The following B3GALNT2 variants were observed in gnomAD, a reference collection of about 807,000 sequenced individuals.
B3GALNT2 encodes the protein beta-1,3-N-acetylgalactosaminyltransferase 2.
B3GALNT2 carries 53 observed loss-of-function variants against 61.1 expected under a neutral mutation model. The ratio of observed to expected loss-of-function variants is 0.87; its 90% CI spans 0.70 to 1.09. The LOEUF (loss-of-function observed/expected upper bound fraction) is 1.09, where lower values mean the gene tolerates loss of function less well. Ranked by LOEUF, B3GALNT2 falls within the 50% of genes least tolerant of loss-of-function variation. The pLI, the probability that B3GALNT2 is intolerant of heterozygous loss-of-function variation, is 0.00. For synonymous variants in B3GALNT2, 223 were observed against 237.4 expected (o/e 0.94, Z 0.56); for missense variants, 544 against 623.0 (o/e 0.87, Z 1.35).
chr1:235,451,505 A>C (rs1215335736), intron 11 of B3GALNT2: 2 of 152,128 alleles, frequency 1.3e-5, no homozygotes, highest in African/African-American at 2.4e-5. Flanking sequence ...CCGCATCAGA[A>C]AACAAGCGCC....
At position 235,449,173 on chromosome 1, in the gene B3GALNT2, G is replaced by C. The variant is rs979317508; in HGVS notation, c.*1033C>G. 3.7e-5 allele frequency: 9 copies of C among 246,384 alleles called. No individual in the cohort carries two copies. The highest frequency in any genetic ancestry group is 7.2e-5 in the Non-Finnish European group (9 of 125,292). 15.3% of individuals were successfully genotyped at this position (246,384 alleles called of 1,614,324 possible). On this transcript the variant is annotated 3_prime_UTR_variant, in exon 12 of 12. Transcript: ENST00000366600. ...TAGAAATGATTTGGTTGGTCATTTT[G>C]GGAAATGTCCCTTAAACTTGGGGAG...
chr1:235,495,101 G>A (rs1037407213), intron 1 of B3GALNT2, among the ~76,000 whole-genome samples: 1 of 152,122 alleles, frequency 6.6e-6, no homozygotes, highest in East Asian at 1.9e-4. Flanking sequence ...GATGTGGTAA[G>A]AATCTGTTTC....
chr1:235,450,639 T>C (rs190592936), intron 11 of B3GALNT2: 98 of 346,762 alleles, frequency 2.8e-4, no homozygotes, highest in African/African-American at 2.0e-3. Context: ...AGTTTCATGT[T>C]TGCTAGTAAA....
rs1682442034 is a variant in B3GALNT2, at chr1:235,447,448, C to A, written c.*2758G>T. ...AAAGAAGTTCATAGTGTATTCTGAACAAACCAAAGCATTTACTCGGAAGTT... is the reference window on the plus strand; with the variant it reads ...AAAGAAGTTCATAGTGTATTCTGAAAAAACCAAAGCATTTACTCGGAAGTT... On this transcript the variant is annotated 3_prime_UTR_variant, in exon 12 of 12. Coordinates refer to ENST00000366600, the MANE Select transcript of B3GALNT2 (RefSeq NM_152490.5). Among the ~76,000 whole-genome samples, 1 of 152,212 alleles carries A rather than the reference C, an allele frequency of 6.6e-6. No individual in the cohort carries two copies. The highest frequency in any genetic ancestry group is 2.4e-5 in the African/African-American group (1 of 41,434).
intron 7 of B3GALNT2, among the ~76,000 whole-genome samples, chr1:235,461,510 T>TG (rs1683429950): frequency 1.0e-5 from 1 of 95,606 alleles, no homozygotes; most frequent in Non-Finnish European, 2.1e-5. Context: ...ACCTCCTGTT[T>TG]TTTTTTTTTT....
intron 1 of B3GALNT2, among the ~76,000 whole-genome samples, chr1:235,495,817 T>C (rs573536356): frequency 6.6e-6 from 1 of 152,298 alleles, no homozygotes; most frequent in South Asian, 2.1e-4. Flanking sequence ...CCAGACTCTT[T>C]ACTATATTAA....
chr1:235,486,898 G>A (rs1016890364), intron 3 of B3GALNT2, among the ~76,000 whole-genome samples: 4 of 152,146 alleles, frequency 2.6e-5, no homozygotes, highest in African/African-American at 9.7e-5. Context: ...GCCAGGCGTG[G>A]TGGCTCACGC....
intron 6 of B3GALNT2, among the ~76,000 whole-genome samples, chr1:235,468,474 G>C (rs1291243700): frequency 1.9e-5 from 2 of 103,686 alleles, no homozygotes; most frequent in African/African-American, 8.0e-5. Context: ...TTTTTTTTGC[G>C]ACGGAGTCTC....
chr1:235,488,162 A>G (rs1408400229), intron 3 of B3GALNT2, among the ~76,000 whole-genome samples: 1 of 152,234 alleles, frequency 6.6e-6, no homozygotes, highest in African/African-American at 2.4e-5. Context: ...ATTAGACAAT[A>G]ATTCTAAGAG....
chr1:235,492,325 T>A (rs1558439648), intron 2 of B3GALNT2, among the ~76,000 whole-genome samples: 1 of 152,212 alleles, frequency 6.6e-6, no homozygotes, highest in Non-Finnish European at 1.5e-5. Context: ...TACTAGGTAC[T>A]CTTACTAGAT....
chr1:235,480,213 T>G lies in B3GALNT2; in HGVS notation c.556-64A>C, dbSNP rs1056191027. 3.8e-6 allele frequency: 6 copies of G among 1,584,868 alleles called. No homozygotes were observed. The African/African-American group carries it at 8.1e-5, about 21-fold the overall frequency. On this transcript the variant is annotated intron_variant, in intron 4 of 11. Coordinates refer to ENST00000366600, the MANE Select transcript of B3GALNT2 (RefSeq NM_152490.5). ...TGTTATACATTGCATATGCAAAAAG[T>G]TTTCAAACACCTTACTTCTTGGTCA...
intron 9 of B3GALNT2, among the ~76,000 whole-genome samples, chr1:235,454,564 G>A (rs902590838): frequency 1.3e-5 from 2 of 151,796 alleles, no homozygotes; most frequent in Admixed American, 6.6e-5. Flanking sequence ...TCAGCCTCCC[G>A]AGTAGCTGGG....
intron 2 of B3GALNT2, 119 bp downstream of exon 2, chr1:235,494,562 T>A: frequency 9.1e-7 from 1 of 1,097,918 alleles, no homozygotes; most frequent in Non-Finnish European, 1.3e-6. Flanking sequence ...GCTCAAGCAA[T>A]CCTTCCACCT....
At chr1:235,456,803 A>G (rs1683188826) in intron 8 of B3GALNT2, among the ~76,000 whole-genome samples, 1 of 152,214 alleles carries the variant, frequency 6.6e-6, no homozygotes, top group Non-Finnish European at 1.5e-5. Flanking sequence ...GCTGACTCTT[A>G]GCCCTGACTT....
intron 2 of B3GALNT2, among the ~76,000 whole-genome samples, chr1:235,491,516 G>A (rs1428369198): frequency 6.6e-6 from 1 of 152,122 alleles, no homozygotes; most frequent in Non-Finnish European, 1.5e-5. Context: ...GGAACCTCAA[G>A]GTCAACATAT....
chr1:235,460,112 C>CCT (rs1271226669), intron 7 of B3GALNT2, among the ~76,000 whole-genome samples: 4 of 622 alleles, frequency 6.4e-3, no homozygotes, highest in Admixed American at 0.015. Context: ...TTCTTTCTTT[C>CCT]CTCTTTCTTT....
intron 7 of B3GALNT2, among the ~76,000 whole-genome samples, chr1:235,462,184 A>T (rs1683469816): frequency 6.6e-6 from 1 of 152,264 alleles, no homozygotes; most frequent in South Asian, 2.1e-4. Context: ...TGAAAGTGTT[A>T]TAAAATTGTA....
intron 9 of B3GALNT2, among the ~76,000 whole-genome samples, chr1:235,454,805 T>G (rs1178340654): frequency 6.6e-6 from 1 of 152,172 alleles, no homozygotes; most frequent in Non-Finnish European, 1.5e-5. Context: ...GATAAAAGAT[T>G]GGTTATGTTA....
chr1:235,462,768 G>A (rs1160825890), intron 7 of B3GALNT2, among the ~76,000 whole-genome samples: 8 of 152,200 alleles, frequency 5.3e-5, no homozygotes, highest in Non-Finnish European at 1.2e-4. Flanking sequence ...TCCCCAGGTT[G>A]ATCCACAGAT....
Sources: gnomAD v4.1 joint callset for allele counts (sites outside exome capture counted in the v4.1 genomes callset) on GRCh38, gnomAD v4.1.1 for gene constraint, MANE v1.5 for transcripts, NCBI Gene and HGNC (gene_info 2026-07-23, HGNC 2026-07-21) for gene names.